Variants in C12orf42 observed in about 807,000 individuals in gnomAD.
The protein encoded by C12orf42 is uncharacterized protein C12orf42.
C12orf42 carries 25 observed loss-of-function variants against 21.6 expected under a neutral mutation model. The ratio of observed to expected loss-of-function variants is 1.16; its 90% confidence interval spans 0.84 to 1.62. The LOEUF (loss-of-function observed/expected upper bound fraction) is 1.62. Among genes scored for constraint, C12orf42 ranks in the 40% most tolerant of loss-of-function variants. The pLI is 0.00. For synonymous variants in C12orf42, 174 were observed against 175.0 expected (o/e 0.99, Z 0.05); for missense variants, 483 against 459.3 (o/e 1.05, Z -0.47).
chr12:103,546,423 T>C, the C12orf42 span, among the ~76,000 whole-genome samples: 5 of 152,188 alleles, frequency 3.3e-5, no homozygotes, highest in Admixed American at 2.0e-4. Context: ...TTTTTAATTA[T>C]CACTCCTTTT....
chr12:103,179,139 G>A, the C12orf42 span, among the ~76,000 whole-genome samples: 1 of 152,176 alleles, frequency 6.6e-6, no homozygotes, highest in East Asian at 1.9e-4. Context: ...CCAAACTTGA[G>A]AAGGGTGTTT....
chr12:103,293,196 C>G (rs1048409101), intron 4 of C12orf42, among the ~76,000 whole-genome samples: 1 of 152,028 alleles, frequency 6.6e-6, no homozygotes, highest in Non-Finnish European at 1.5e-5. Flanking sequence ...TCTCTGGTCT[C>G]CTCTTTCTCT....
At chr12:103,527,270 G>A in the C12orf42 span, among the ~76,000 whole-genome samples, 2 of 152,238 alleles carry the variant, frequency 1.3e-5, no homozygotes, top group South Asian at 4.2e-4. Flanking sequence ...CATCTTGTAA[G>A]CATGAGGGGG....
In C12orf42 at chr12:103,401,600, G is replaced by T; in HGVS notation, c.147+7C>A. The T allele has an allele frequency of 6.2e-7, 1 of 1,613,370 alleles. No homozygotes were observed. Among genetic ancestry groups the T allele is most frequent in the South Asian group, 1.1e-5 (1 of 91,018 alleles). ...GCAGCCCTGCACATAACATTCCGCT[G>T]ACTCACCTTTGCACTGGGTGTGCTT... is the stretch of plus-strand genomic sequence containing the variant. On this transcript the variant is annotated splice_region_variant and intron_variant, in intron 3 of 5. Transcript: ENST00000548883.
the C12orf42 span, among the ~76,000 whole-genome samples, chr12:103,068,710 A>G: frequency 1.3e-4 from 19 of 151,122 alleles, no homozygotes; most frequent in African/African-American, 3.9e-4. Flanking sequence ...TAGCCTCCCA[A>G]CCTACATCTT....
chr12:103,254,353 A>C (rs1035780509), intron 10 of C12orf42, among the ~76,000 whole-genome samples: 1 of 152,170 alleles, frequency 6.6e-6, no homozygotes, highest in Non-Finnish European at 1.5e-5. Context: ...ATCAATGTTC[A>C]TCAGGGATAT....
the C12orf42 span, among the ~76,000 whole-genome samples, chr12:103,118,614 C>T: frequency 1.3e-3 from 202 of 151,678 alleles, no homozygotes; most frequent in African/African-American, 3.5e-3. Flanking sequence ...CTGGCTAACA[C>T]GGTGAAACCC....
intron 4 of C12orf42, among the ~76,000 whole-genome samples, chr12:103,340,101 TG>T (rs1326900429): frequency 6.6e-6 from 1 of 152,198 alleles, no homozygotes; most frequent in Non-Finnish European, 1.5e-5. Flanking sequence ...CAGAGCCTCA[TG>T]GACTCCTTGA....
intron 4 of C12orf42, among the ~76,000 whole-genome samples, chr12:103,327,271 G>A (rs979224658): frequency 2.6e-5 from 4 of 152,190 alleles, no homozygotes; most frequent in African/African-American, 9.7e-5. Context: ...TCTTGGGTAA[G>A]AAGCCCCAAG....
chr12:103,061,799 T>C, the C12orf42 span, among the ~76,000 whole-genome samples: 1 of 152,112 alleles, frequency 6.6e-6, no homozygotes, highest in East Asian at 1.9e-4. Flanking sequence ...GTTGTGTTTT[T>C]ACCTGATTTT....
At chr12:103,544,174 T>C in the C12orf42 span, among the ~76,000 whole-genome samples, 78,188 of 152,030 alleles carry the variant, frequency 0.51, 22,244 homozygotes, top group African/African-American at 0.75. Flanking sequence ...TGAGCCACCG[T>C]GCCCGGCCTA....
At chr12:103,312,217 G>T (rs1810290961) in intron 4 of C12orf42, among the ~76,000 whole-genome samples, 1 of 152,158 alleles carries the variant, frequency 6.6e-6, no homozygotes, top group African/African-American at 2.4e-5. Context: ...CTGAGTTTAG[G>T]ACCCAGGTCT....
chr12:103,092,593 A>C, the C12orf42 span, among the ~76,000 whole-genome samples: 1 of 152,146 alleles, frequency 6.6e-6, no homozygotes, highest in Admixed American at 6.5e-5. Context: ...TTATTTATTG[A>C]ATGACTTCAG....
At chr12:103,210,051 T>C in the C12orf42 span, among the ~76,000 whole-genome samples, 1 of 152,102 alleles carries the variant, frequency 6.6e-6, no homozygotes, top group Non-Finnish European at 1.5e-5. Context: ...GTTTCTTCCA[T>C]ACTTTTTTTT....
chr12:103,445,439 T>C (rs895369280), intron 2 of C12orf42, among the ~76,000 whole-genome samples: 1 of 152,044 alleles, frequency 6.6e-6, no homozygotes, highest in African/African-American at 2.4e-5. Flanking sequence ...ATTTACTCTT[T>C]TTTGGGTTTT....
At chr12:103,198,521 A>C in the C12orf42 span, among the ~76,000 whole-genome samples, 8 of 152,330 alleles carry the variant, frequency 5.3e-5, no homozygotes, top group East Asian at 1.5e-3. Flanking sequence ...TGAGATGGGC[A>C]TCCCTCGCCA....
At chr12:103,393,817 G>T (rs1172059334) in intron 3 of C12orf42, among the ~76,000 whole-genome samples, 1 of 152,072 alleles carries the variant, frequency 6.6e-6, no homozygotes, top group Admixed American at 6.5e-5. Flanking sequence ...CAAAACCTAT[G>T]GCATTTATTC....
intron 2 of C12orf42, among the ~76,000 whole-genome samples, chr12:103,424,589 C>T (rs1244994270): frequency 6.6e-6 from 1 of 152,192 alleles, no homozygotes; most frequent in Non-Finnish European, 1.5e-5. Context: ...ACTCCCTCCC[C>T]TAGCCAAAGG....
the C12orf42 span, among the ~76,000 whole-genome samples, chr12:103,079,191 G>C: frequency 6.6e-6 from 1 of 152,102 alleles, no homozygotes; most frequent in Non-Finnish European, 1.5e-5. Flanking sequence ...GGAGCCAATG[G>C]GGTTTGAGTA....
Sources: gnomAD v4.1 joint callset for allele counts (sites outside exome capture counted in the v4.1 genomes callset) on GRCh38, gnomAD v4.1.1 for gene constraint, MANE v1.5 for transcripts, NCBI Gene and HGNC (gene_info 2026-07-23, HGNC 2026-07-21) for gene names.